Variants in LRRC4C observed in about 807,000 individuals in gnomAD.
The protein encoded by LRRC4C is leucine rich repeat containing 4C, also known as leucine-rich repeat-containing protein 4C.
LRRC4C carries 5 observed loss-of-function variants against 33.6 expected under a neutral mutation model. The observed-to-expected ratio is 0.15, with a 90% CI of 0.08 to 0.31. The LOEUF is 0.31. Among genes scored for constraint, LRRC4C ranks in the 10% least tolerant of loss-of-function variants. The pLI is 1.00. For synonymous variants in LRRC4C, 329 were observed against 302.0 expected, an observed-to-expected ratio of 1.09 and a Z score of -0.93; for missense variants, 560 against 796.7, an observed-to-expected ratio of 0.70 and a Z score of 3.58.
intron 1 of LRRC4C, among the ~76,000 whole-genome samples, chr11:40,994,970 A>G (rs1853860930): frequency 6.6e-6 from 1 of 152,152 alleles, no homozygotes; most frequent in South Asian, 2.1e-4. Context: ...TTACACAGAC[A>G]CGCAGCAAAA....
intron 2 of LRRC4C, among the ~76,000 whole-genome samples, chr11:40,824,849 C>T (rs1952090609): frequency 6.6e-6 from 1 of 151,858 alleles, no homozygotes; most frequent in South Asian, 2.1e-4. Context: ...ACAGAGAGAA[C>T]AAGTAAAGAT....
intron 2 of LRRC4C, among the ~76,000 whole-genome samples, chr11:40,861,620 G>C (rs1032863374): frequency 2.6e-5 from 4 of 152,180 alleles, no homozygotes; most frequent in African/African-American, 9.7e-5. Context: ...GCCATGAGAA[G>C]ATATAACCCC....
At chr11:40,260,247 C>T (rs564174000) in intron 4 of LRRC4C, among the ~76,000 whole-genome samples, 1 of 127,968 alleles carries the variant, frequency 7.8e-6, no homozygotes, top group Non-Finnish European at 1.6e-5. Flanking sequence ...AGTTCATGTC[C>T]TTTGTAGGGA....
chr11:40,330,325 A>C (rs866554279), intron 3 of LRRC4C, among the ~76,000 whole-genome samples: 1 of 152,078 alleles, frequency 6.6e-6, no homozygotes, highest in African/African-American at 2.4e-5. Flanking sequence ...TTATAAAAAT[A>C]TTATTTTTAA....
At chr11:40,187,236 C>T (rs1000411598) in intron 5 of LRRC4C, among the ~76,000 whole-genome samples, 13 of 152,142 alleles carry the variant, frequency 8.5e-5, no homozygotes, top group Non-Finnish European at 1.5e-4. Flanking sequence ...TACATCTGAA[C>T]TCTTAACACT....
intron 1 of LRRC4C, among the ~76,000 whole-genome samples, chr11:40,982,364 CAG>C (rs1332648047): frequency 6.6e-6 from 1 of 152,166 alleles, no homozygotes; most frequent in Non-Finnish European, 1.5e-5. Flanking sequence ...TGATATAAAA[CAG>C]AGTCACCTGA....
At chr11:40,816,277 C>T (rs1447166799) in intron 2 of LRRC4C, among the ~76,000 whole-genome samples, 1 of 152,212 alleles carries the variant, frequency 6.6e-6, no homozygotes, top group African/African-American at 2.4e-5. Context: ...AATAGCTCCA[C>T]ATCTGTGTGC....
intron 1 of LRRC4C, among the ~76,000 whole-genome samples, chr11:41,045,489 G>A (rs1374319924): frequency 6.6e-6 from 1 of 152,114 alleles, no homozygotes; most frequent in Non-Finnish European, 1.5e-5. Flanking sequence ...ACGAGTTGAC[G>A]TTCGTGCCTT....
chr11:40,596,542 A>T (rs764063783), intron 3 of LRRC4C, among the ~76,000 whole-genome samples: 2 of 152,120 alleles, frequency 1.3e-5, no homozygotes, highest in Admixed American at 6.6e-5. Flanking sequence ...AAAATACTAG[A>T]TCTTATTAAT....
In LRRC4C at chr11:40,861,265, T is replaced by C. The variant is rs76523362; in HGVS notation, c.-407+72370A>G. ...AGATCCTCAGATATGCAGAAGAAGA[T>C]AGAGGTGTGTGGGAAGTCTTGAACA... is the stretch of plus-strand genomic sequence containing the variant. On this transcript the variant is annotated intron_variant, in intron 2 of 6. Coordinates refer to ENST00000528697, the MANE Select transcript of LRRC4C (RefSeq NM_001258419.2). 4.1e-3 allele frequency among the ~76,000 whole-genome samples: 619 copies of C among 152,136 alleles called. 2 individuals are homozygous for C. The highest frequency in any genetic ancestry group is 9.0e-3 in the Admixed American group (137 of 15,270).
intron 1 of LRRC4C, among the ~76,000 whole-genome samples, chr11:41,123,261 G>GTTTTTTTT (rs1217714729): frequency 3.9e-4 from 19 of 48,102 alleles, no homozygotes; most frequent in African/African-American, 1.1e-3. Context: ...GCTATGTTTT[G>GTTTTTTTT]TTTTTTTTTT....
rs866879243 is a variant in LRRC4C at position 40,630,435 on chromosome 11, A to G, written c.-270+17707T>C. On this transcript the variant is annotated intron_variant, in intron 3 of 6. Coordinates refer to ENST00000528697, the MANE Select transcript of LRRC4C (RefSeq NM_001258419.2). The stretch of plus-strand genomic sequence containing the variant: ...CTCTTCTTCTTCTTTTTTTTTTTTG[A>G]TAGTCAGTTTACCACTACTACCACT... 3.7e-3 allele frequency among the ~76,000 whole-genome samples: 355 copies of G among 94,688 alleles called. 2 individuals carry two copies. Among genetic ancestry groups the G allele is most frequent in the African/African-American group, 0.015 (339 of 22,392 alleles). 62.1% of individuals were successfully genotyped at this position (94,688 alleles called of 152,430 possible). A position where few individuals can be genotyped will look rare whatever the true frequency, so the allele number is the denominator to read the frequency against.
intron 1 of LRRC4C, among the ~76,000 whole-genome samples, chr11:41,273,991 GA>G (rs1244091362): frequency 6.6e-6 from 1 of 152,108 alleles, no homozygotes; most frequent in Non-Finnish European, 1.5e-5. Flanking sequence ...CAGAGATCTG[GA>G]AAAGTGAGGA....
chr11:40,155,368 C>T (rs1277392829), intron 5 of LRRC4C, among the ~76,000 whole-genome samples: 1 of 151,606 alleles, frequency 6.6e-6, no homozygotes, highest in African/African-American at 2.4e-5. Context: ...GAGAGCAGAA[C>T]TAAATGAAAT....
chr11:40,620,884 T>A (rs1399223801), intron 3 of LRRC4C, among the ~76,000 whole-genome samples: 2 of 151,726 alleles, frequency 1.3e-5, no homozygotes, highest in Non-Finnish European at 3.0e-5. Context: ...TATGGAGCAA[T>A]AATATTTATC....
intron 2 of LRRC4C, among the ~76,000 whole-genome samples, chr11:40,918,719 T>C (rs915673307): frequency 1.3e-5 from 2 of 152,138 alleles, no homozygotes; most frequent in Admixed American, 6.6e-5. Context: ...GAGTAAGAAG[T>C]GGCTTCCCCA....
At chr11:41,197,165 G>C (rs540602897) in intron 1 of LRRC4C, among the ~76,000 whole-genome samples, 13 of 152,072 alleles carry the variant, frequency 8.5e-5, no homozygotes, top group African/African-American at 3.1e-4. Context: ...AGGATTTTTT[G>C]TTGTTCCTGT....
At chr11:40,495,837 T>G (rs1205101475) in intron 3 of LRRC4C, among the ~76,000 whole-genome samples, 1 of 76,686 alleles carries the variant, frequency 1.3e-5, no homozygotes, top group Admixed American at 1.6e-4. Flanking sequence ...TTTTTTTTTT[T>G]TTTTTTTTTT....
At chr11:41,112,988 G>A (rs1024361372) in intron 1 of LRRC4C, among the ~76,000 whole-genome samples, 2 of 152,070 alleles carry the variant, frequency 1.3e-5, no homozygotes, top group Non-Finnish European at 2.9e-5. Context: ...TACAAACACA[G>A]AATTAAAAAC....
Sources: allele counts gnomAD v4.1 joint callset (sites outside exome capture counted in the v4.1 genomes callset), GRCh38; gene constraint gnomAD v4.1.1; transcripts MANE v1.5; gene names NCBI Gene and HGNC (gene_info 2026-07-23, HGNC 2026-07-21).